CNTNAP2: variants seen among roughly 807,000 people sequenced by gnomAD.
CNTNAP2 encodes the protein contactin associated protein 2, also known as contactin-associated protein-like 2.
Under a neutral mutation model 155.2 loss-of-function variants are expected in CNTNAP2, and 98 were observed. The ratio of observed to expected loss-of-function variants is 0.63; its 90% CI spans 0.54 to 0.75. The LOEUF is 0.75. Among genes scored for constraint, CNTNAP2 ranks in the 30% least tolerant of loss-of-function variants. The pLI, the probability that CNTNAP2 is intolerant of heterozygous loss-of-function variation, is 0.00. For missense variants in CNTNAP2, 1,727 were observed against 1,688.1 expected (o/e 1.02, Z -0.40); for synonymous variants, 651 against 631.2 (o/e 1.03, Z -0.47).
At chr7:148,135,009 C>A (rs1432670303) in intron 16 of CNTNAP2, among the ~76,000 whole-genome samples, 1 of 151,872 alleles carries the variant, frequency 6.6e-6, no homozygotes, top group Non-Finnish European at 1.5e-5. Flanking sequence ...TTTAAGAACA[C>A]ATTTTCATGT....
chr7:146,797,670 A>G (rs1802795772), intron 2 of CNTNAP2, among the ~76,000 whole-genome samples: 1 of 152,246 alleles, frequency 6.6e-6, no homozygotes, highest in Admixed American at 6.5e-5. Flanking sequence ...GACTTCAGAG[A>G]TAGAAAGATG....
chr7:146,853,298 C>T (rs540955218), intron 3 of CNTNAP2, among the ~76,000 whole-genome samples: 2 of 152,118 alleles, frequency 1.3e-5, no homozygotes, highest in South Asian at 2.1e-4. Context: ...ATGTTGGTTT[C>T]AAATTTTAAA....
chr7:148,079,038 G>A (rs1170615256), intron 15 of CNTNAP2, among the ~76,000 whole-genome samples: 2 of 152,082 alleles, frequency 1.3e-5, no homozygotes, highest in Admixed American at 6.5e-5. Context: ...ACTGCATATC[G>A]TTGCTTGAAT....
intron 1 of CNTNAP2, among the ~76,000 whole-genome samples, chr7:146,323,009 A>G (rs1212064602): frequency 6.6e-6 from 1 of 152,074 alleles, no homozygotes; most frequent in African/African-American, 2.4e-5. Flanking sequence ...GAGCCAAAAG[A>G]GCCTTATATG....
At chr7:148,140,564 A>G (rs1563212727) in intron 16 of CNTNAP2, among the ~76,000 whole-genome samples, 1 of 151,930 alleles carries the variant, frequency 6.6e-6, no homozygotes, top group Non-Finnish European at 1.5e-5. Context: ...GCCAGATTAC[A>G]GGCATCTGCC....
chr7:146,641,631 G>A (rs1799709765), intron 1 of CNTNAP2, among the ~76,000 whole-genome samples: 1 of 152,176 alleles, frequency 6.6e-6, no homozygotes, highest in African/African-American at 2.4e-5. Flanking sequence ...GAAGGCAGGT[G>A]CTGGTGTGAC....
chr7:148,118,137 C>T lies in CNTNAP2; in HGVS notation c.2403C>T (p.Ala801=). ...CQGDRNYWNA[A]SFPNPSSYLH... is the part of the protein sequence containing the mutation. ...CCACAGGGAATTATTGGAATGCCGC[C>T]TCTTTCCCAAACCCATCCTCCTACC... Residue 801 remains alanine (A), a synonymous_variant, in exon 16 of 24, where the codon GCC becomes GCT. Coordinates refer to ENST00000361727, the MANE Select transcript of CNTNAP2 (RefSeq NM_014141.6). The T allele has an allele frequency of 6.2e-7, 1 of 1,614,146 alleles. No individual in the cohort carries two copies. The highest frequency in any genetic ancestry group is 1.1e-5 in the South Asian group (1 of 91,088).
intron 3 of CNTNAP2, among the ~76,000 whole-genome samples, chr7:146,943,455 G>T (rs1563014030): frequency 6.6e-6 from 1 of 152,294 alleles, no homozygotes; most frequent in East Asian, 1.9e-4. Context: ...TCATGCCACT[G>T]CACTCCAGCC....
At chr7:147,102,603 C>G (rs1478579857) in intron 4 of CNTNAP2, among the ~76,000 whole-genome samples, 1 of 151,996 alleles carries the variant, frequency 6.6e-6, no homozygotes, top group African/African-American at 2.4e-5. Context: ...GAAAGAAGAG[C>G]CTTGAGGTTT....
At chr7:148,039,914 C>T (rs1336146498) in intron 15 of CNTNAP2, among the ~76,000 whole-genome samples, 1 of 152,146 alleles carries the variant, frequency 6.6e-6, no homozygotes, top group African/African-American at 2.4e-5. Flanking sequence ...GTAGTTGTTT[C>T]CTGAATTACT....
At chr7:147,634,831 G>T (rs953020357) in intron 12 of CNTNAP2, among the ~76,000 whole-genome samples, 1 of 152,056 alleles carries the variant, frequency 6.6e-6, no homozygotes, top group Non-Finnish European at 1.5e-5. Context: ...CTACAAGCCA[G>T]ATCTCTTACT....
intron 18 of CNTNAP2, among the ~76,000 whole-genome samples, chr7:148,213,399 C>T (rs1481766824): frequency 1.3e-5 from 2 of 152,156 alleles, no homozygotes; most frequent in African/African-American, 2.4e-5. Context: ...GCCGGTGACA[C>T]GCTGCACCTG....
chr7:147,486,510 C>A (rs1040045561), intron 11 of CNTNAP2, among the ~76,000 whole-genome samples: 9 of 151,652 alleles, frequency 5.9e-5, no homozygotes, highest in African/African-American at 2.2e-4. Context: ...TTTTTTAGAT[C>A]AAAGAAATGA....
At chr7:146,657,285 A>G (rs775334450) in intron 1 of CNTNAP2, among the ~76,000 whole-genome samples, 1 of 152,258 alleles carries the variant, frequency 6.6e-6, no homozygotes, top group Non-Finnish European at 1.5e-5. Context: ...CCTCTATGGC[A>G]TTGCTTTACA....
At chr7:146,560,538 C>G (rs980696892) in intron 1 of CNTNAP2, among the ~76,000 whole-genome samples, 1 of 151,930 alleles carries the variant, frequency 6.6e-6, no homozygotes, top group Non-Finnish European at 1.5e-5. Flanking sequence ...AATTATTTCT[C>G]CAGCTTTACT....
At chr7:147,782,459 G>A (rs183002791) in intron 13 of CNTNAP2, among the ~76,000 whole-genome samples, 120 of 152,220 alleles carry the variant, frequency 7.9e-4, no homozygotes, top group Non-Finnish European at 1.3e-3. Flanking sequence ...TGGGAGGCTG[G>A]GAAGTCCAAA....
intron 1 of CNTNAP2, among the ~76,000 whole-genome samples, chr7:146,178,490 T>C (rs1364471040): frequency 6.6e-6 from 1 of 152,224 alleles, no homozygotes; most frequent in Non-Finnish European, 1.5e-5. Context: ...TAGATATTAC[T>C]CCATACAATA....
intron 10 of CNTNAP2, among the ~76,000 whole-genome samples, chr7:147,465,261 C>T (rs1220256433): frequency 6.6e-6 from 1 of 152,134 alleles, no homozygotes; most frequent in East Asian, 1.9e-4. Context: ...CTCAGCATTA[C>T]ACAATATACC....
intron 1 of CNTNAP2, among the ~76,000 whole-genome samples, chr7:146,297,657 A>G (rs1410577383): frequency 6.6e-6 from 1 of 152,178 alleles, no homozygotes; most frequent in African/African-American, 2.4e-5. Flanking sequence ...TAACTATCAG[A>G]GAGTTATAAA....
Sources: gnomAD v4.1 joint callset for allele counts (sites outside exome capture counted in the v4.1 genomes callset) on GRCh38, gnomAD v4.1.1 for gene constraint, MANE v1.5 for transcripts, NCBI Gene and HGNC (gene_info 2026-07-23, HGNC 2026-07-21) for gene names.